EFR3B: variants seen among roughly 807,000 people sequenced by gnomAD.
The protein encoded by EFR3B is EFR3 homolog B.
A neutral mutation model predicts 104.7 loss-of-function variants in EFR3B; 64 were observed. The ratio of observed to expected loss-of-function variants is 0.61; its 90% CI spans 0.50 to 0.75. EFR3B has a LOEUF of 0.75. EFR3B is among the 30% of genes least tolerant of loss of function. The pLI is 0.00. For synonymous variants in EFR3B, 385 were observed against 417.9 expected (o/e 0.92, Z 0.96); for missense variants, 750 against 1,078.5 (o/e 0.70, Z 4.27).
intron 4 of EFR3B, among the ~76,000 whole-genome samples, chr2:25,110,834 T>C (rs1669706777): frequency 6.6e-6 from 1 of 152,244 alleles, no homozygotes; most frequent in South Asian, 2.1e-4. Flanking sequence ...TCTGCATTGC[T>C]ATCCTTTTTC....
intron 12 of EFR3B, 81 bp downstream of exon 12, chr2:25,133,515 TAC>T: frequency 7.2e-7 from 1 of 1,395,764 alleles, no homozygotes; most frequent in Non-Finnish European, 9.9e-7. Flanking sequence ...GGCCTCCACA[TAC>T]AGTCGTGCAT....
chr2:25,135,436 C>T lies in EFR3B; in HGVS notation c.1312-31C>T, dbSNP rs1456320022. 3 of 1,549,968 alleles carry T rather than the reference C, an allele frequency of 1.9e-6. No homozygotes were observed. In the Admixed American group the frequency reaches 5.9e-5, roughly 30 times the overall value. ...CCTGCACCTGAGAGGGACAGCATTC[C>T]TAGGCATAGCTGTCCATACCTCCCT... is the stretch of plus-strand genomic sequence containing the variant. On this transcript the variant is annotated intron_variant, in intron 12 of 22. Coordinates refer to ENST00000403714, the MANE Select transcript of EFR3B (RefSeq NM_014971.2).
intron 4 of EFR3B, 148 bp from the exon 5 acceptor site, chr2:25,121,525 C>T: frequency 3.4e-6 from 3 of 886,560 alleles, no homozygotes; most frequent in Non-Finnish European, 3.5e-6. Context: ...GAACTCATCT[C>T]CCCAGTGTGC....
chr2:25,122,793 T>C (rs1198963377), intron 5 of EFR3B, among the ~76,000 whole-genome samples: 4 of 152,150 alleles, frequency 2.6e-5, no homozygotes, highest in Non-Finnish European at 5.9e-5. Flanking sequence ...CTCTCTGTGT[T>C]TCTTGTTCAC....
In EFR3B at chr2:25,154,639, G is replaced by A. The variant is rs1671109560; in HGVS notation, c.*299G>A. ...TGTCTCTCAGGAGAAGCCGGGGGGA[G>A]GGGGCTGAGAAGCTCCTACTTGGTG... On this transcript the variant is annotated 3_prime_UTR_variant, in exon 23 of 23. Transcript: ENST00000403714. The surrounding 1 kb of genome is among the most constrained non-coding windows in gnomAD (Gnocchi z 4.1). 1 of 339,372 alleles carries A rather than the reference G, an allele frequency of 2.9e-6. No individual in the cohort carries two copies. The highest frequency in any genetic ancestry group is 6.2e-5 in the South Asian group (1 of 16,082). The allele number at this position is 339,372 out of a possible 1,614,324, so 21.0% of individuals were successfully genotyped here. A position where few individuals can be genotyped will look rare whatever the true frequency, so the allele number is the denominator to read the frequency against.
intron 1 of EFR3B, among the ~76,000 whole-genome samples, chr2:25,071,193 C>T (rs929448879): frequency 6.6e-5 from 10 of 151,570 alleles, no homozygotes; most frequent in African/African-American, 1.9e-4. Context: ...ATCTCCTGAC[C>T]TCGTGATCCG....
intron 4 of EFR3B, among the ~76,000 whole-genome samples, chr2:25,112,843 A>G (rs895145981): frequency 2.0e-5 from 3 of 152,180 alleles, no homozygotes; most frequent in African/African-American, 7.2e-5. Flanking sequence ...ATTTTTAACT[A>G]TAGTTCTGTC....
At chr2:25,094,565 A>T (rs1026811934) in intron 3 of EFR3B, among the ~76,000 whole-genome samples, 3 of 152,144 alleles carry the variant, frequency 2.0e-5, no homozygotes, top group African/African-American at 7.2e-5. Context: ...CTAACTTATT[A>T]AATTCATCAC....
intron 5 of EFR3B, among the ~76,000 whole-genome samples, chr2:25,127,560 A>G (rs1312750158): frequency 2.0e-5 from 3 of 152,188 alleles, no homozygotes; most frequent in Admixed American, 6.5e-5. Flanking sequence ...AAGGTTTTAT[A>G]AAAAAGAAAG....
At position 25,130,545 on chromosome 2, in the gene EFR3B, C is replaced by G. The variant is rs1670300265; in HGVS notation, c.771-7C>G. The G allele has an allele frequency of 9.7e-6, 15 of 1,551,406 alleles. No individual in the cohort carries two copies. The highest frequency in any genetic ancestry group is 1.3e-5 in the Non-Finnish European group (15 of 1,146,778). ...ATAGTTGTTCCCCCACGTTTTCTCC[C>G]TCACAGCCATCTGGATAACCATTCT... On this transcript the variant is annotated splice_region_variant and splice_polypyrimidine_tract_variant and intron_variant, in intron 7 of 22. Transcript: ENST00000403714. The surrounding 1 kb of genome is among the most constrained non-coding windows in gnomAD (Gnocchi z 4.6).
chr2:25,062,737 G>A (rs550966667), intron 1 of EFR3B, among the ~76,000 whole-genome samples: 40 of 152,210 alleles, frequency 2.6e-4, no homozygotes, highest in Non-Finnish European at 4.6e-4. Context: ...GCAGGGCAGT[G>A]GGGGGAGGCC....
chr2:25,066,578 G>T (rs181602228), intron 1 of EFR3B, among the ~76,000 whole-genome samples: 6 of 152,266 alleles, frequency 3.9e-5, no homozygotes, highest in Admixed American at 3.9e-4. Context: ...TCCATGGGGA[G>T]GCATCTAAAC....
At chr2:25,105,073 A>C (rs1212350088) in intron 4 of EFR3B, among the ~76,000 whole-genome samples, 1 of 152,188 alleles carries the variant, frequency 6.6e-6, no homozygotes, top group Non-Finnish European at 1.5e-5. Context: ...ACAGATCTTA[A>C]GTGAAGCTTT....
chr2:25,055,823 G>T (rs1413709972), intron 1 of EFR3B, among the ~76,000 whole-genome samples: 1 of 152,188 alleles, frequency 6.6e-6, no homozygotes, highest in Non-Finnish European at 1.5e-5. Context: ...GGTGGATGCT[G>T]GGAAAATCTG....
chr2:25,093,164 C>G, intron 3 of EFR3B, 34 bp downstream of exon 3: 1 of 1,549,452 alleles, frequency 6.5e-7, no homozygotes, highest in Non-Finnish European at 8.7e-7. Context: ...GAGAGATTGT[C>G]AGGAACTATA....
intron 1 of EFR3B, among the ~76,000 whole-genome samples, chr2:25,044,125 TA>T (rs144206045): frequency 0.018 from 2,720 of 152,336 alleles, 33 homozygotes; most frequent in Non-Finnish European, 0.03. Context: ...AATATATTTT[TA>T]TTTCCCCAGA....
chr2:25,049,937 A>T (rs1387765414), intron 1 of EFR3B, among the ~76,000 whole-genome samples: 1 of 149,710 alleles, frequency 6.7e-6, no homozygotes, highest in Non-Finnish European at 1.5e-5. Context: ...CAACATTGTG[A>T]AACGACATTT....
chr2:25,131,235 G>A lies in EFR3B; in HGVS notation c.850-133G>A. The A allele has an allele frequency of 8.1e-7, 1 of 1,238,752 alleles. No individual in the cohort carries two copies. The highest frequency in any genetic ancestry group is 1.1e-6 in the Non-Finnish European group (1 of 910,942). 76.7% of individuals were successfully genotyped at this position (1,238,752 alleles called of 1,614,324 possible). ...ATCCAGTAAAGGGCACGAGGTGTCA[G>A]TGCCAACTGCAGTGCCCGGGGCCTT... On this transcript the variant is annotated intron_variant, in intron 8 of 22. Coordinates refer to ENST00000403714, the MANE Select transcript of EFR3B (RefSeq NM_014971.2). The surrounding 1 kb of genome is among the most constrained non-coding windows in gnomAD (Gnocchi z 7.6).
In EFR3B at chr2:25,111,361, G is replaced by A. The variant is rs372023296; in HGVS notation, c.363+7574G>A. Among the ~76,000 whole-genome samples, 309 of 150,748 alleles carry A rather than the reference G, an allele frequency of 2.0e-3. 1 individual carries two copies. The highest frequency in any genetic ancestry group is 3.3e-3 in the Non-Finnish European group (225 of 67,872). Reference sequence around the variant, plus strand: ...TGGTGGCATTTCTCCCTGGGATCACGCCCATTTCTCCCTGGGATCGTGCCC... The same window carrying A: ...TGGTGGCATTTCTCCCTGGGATCACACCCATTTCTCCCTGGGATCGTGCCC... On this transcript the variant is annotated intron_variant, in intron 4 of 22. Transcript: ENST00000403714.
Sources: allele counts gnomAD v4.1 joint callset (sites outside exome capture counted in the v4.1 genomes callset), GRCh38; gene constraint gnomAD v4.1.1; non-coding constraint Gnocchi (gnomAD v3.1); transcripts MANE v1.5; gene names NCBI Gene and HGNC (gene_info 2026-07-23, HGNC 2026-07-21).